Variants in PTPRD observed in about 807,000 individuals in gnomAD.
PTPRD encodes the protein receptor-type tyrosine-protein phosphatase delta.
PTPRD carries 34 observed loss-of-function variants against 214.5 expected under a neutral mutation model. That is an observed-to-expected ratio of 0.16 (90% CI 0.12 to 0.21). The LOEUF is 0.21. Ranked by LOEUF, PTPRD falls within the 10% of genes least tolerant of loss-of-function variation. PTPRD has a pLI of 1.00. For synonymous variants in PTPRD, 1,128 were observed against 845.7 expected, an observed-to-expected ratio of 1.33 and a Z score of -5.79; for missense variants, 2,545 against 2,398.7, an observed-to-expected ratio of 1.06 and a Z score of -1.27.
chr9:8,836,519 A>C (rs1476175427), intron 11 of PTPRD, among the ~76,000 whole-genome samples: 1 of 151,928 alleles, frequency 6.6e-6, no homozygotes, highest in Non-Finnish European at 1.5e-5. Flanking sequence ...TTAATTTTAA[A>C]ACTCTGACCT....
At chr9:9,051,629 G>C (rs2099685739) in intron 10 of PTPRD, among the ~76,000 whole-genome samples, 1 of 152,064 alleles carries the variant, frequency 6.6e-6, no homozygotes, top group Non-Finnish European at 1.5e-5. Flanking sequence ...AAGCCATTTA[G>C]AAAGCATTTT....
At chr9:9,924,333 G>T (rs1453886008) in intron 5 of PTPRD, among the ~76,000 whole-genome samples, 1 of 151,990 alleles carries the variant, frequency 6.6e-6, no homozygotes, top group Non-Finnish European at 1.5e-5. Context: ...GCTAAACATT[G>T]CTTTCTCTAT....
intron 35 of PTPRD, among the ~76,000 whole-genome samples, chr9:8,422,810 C>G (rs1316226758): frequency 6.6e-6 from 1 of 152,222 alleles, no homozygotes; most frequent in Non-Finnish European, 1.5e-5. Context: ...AATTTTTATT[C>G]TCCTTGTGTC....
In PTPRD at chr9:8,950,082, A is replaced by G. The variant is rs950835382; in HGVS notation, c.-104+68615T>C. Among the ~76,000 whole-genome samples, 12 of 152,172 alleles carry G rather than the reference A, an allele frequency of 7.9e-5. No homozygotes were observed. The East Asian group carries it at 2.3e-3, about 29-fold the overall frequency. ...AAATAGGTATTGGAATGTCTATTTT[A>G]CAAGTGAGAAAATGTCTATTTACAA... On this transcript the variant is annotated intron_variant, in intron 11 of 45. Coordinates refer to ENST00000381196, the MANE Select transcript of PTPRD (RefSeq NM_002839.4).
intron 33 of PTPRD, among the ~76,000 whole-genome samples, chr9:8,454,004 A>T (rs1291381392): frequency 6.6e-6 from 1 of 152,242 alleles, no homozygotes; most frequent in African/African-American, 2.4e-5. Context: ...TATGAGTTAG[A>T]AAGCTAGAGG....
chr9:9,173,803 A>G (rs768298982), intron 10 of PTPRD, among the ~76,000 whole-genome samples: 1 of 152,082 alleles, frequency 6.6e-6, no homozygotes, highest in Non-Finnish European at 1.5e-5. Flanking sequence ...TCACTATCTA[A>G]TATACCCGAT....
chr9:9,310,213 A>T (rs1396515731), intron 9 of PTPRD, among the ~76,000 whole-genome samples: 1 of 152,128 alleles, frequency 6.6e-6, no homozygotes, highest in Non-Finnish European at 1.5e-5. Context: ...GGAAAGTAGG[A>T]GGACAGAGAA....
chr9:8,459,868 G>A (rs190629664), intron 33 of PTPRD, among the ~76,000 whole-genome samples: 1 of 152,060 alleles, frequency 6.6e-6, no homozygotes, highest in Admixed American at 6.6e-5. Flanking sequence ...AGAAAATTGG[G>A]AGACGATTCA....
At chr9:8,459,672 T>C (rs1452428031) in intron 33 of PTPRD, among the ~76,000 whole-genome samples, 1 of 152,116 alleles carries the variant, frequency 6.6e-6, no homozygotes, top group Admixed American at 6.5e-5. Context: ...AAGAGTGGCA[T>C]ATCAGAAAAA....
At chr9:8,500,562 A>G (rs1456931959) in intron 24 of PTPRD, among the ~76,000 whole-genome samples, 192 bp downstream of exon 24, 22 of 117,546 alleles carry the variant, frequency 1.9e-4, no homozygotes, top group South Asian at 8.6e-4. Flanking sequence ...AAAAATGAAA[A>G]AAAAAAAAAA....
chr9:10,551,145 G>A (rs1274261520), intron 2 of PTPRD, among the ~76,000 whole-genome samples: 1 of 152,034 alleles, frequency 6.6e-6, no homozygotes, highest in African/African-American at 2.4e-5. Flanking sequence ...ACCAGCCTGG[G>A]CAACAGAGTG....
intron 14 of PTPRD, among the ~76,000 whole-genome samples, chr9:8,537,619 G>C (rs2077274189): frequency 6.6e-6 from 1 of 151,970 alleles, no homozygotes; most frequent in Admixed American, 6.6e-5. Context: ...TGCAGGAATA[G>C]AAAATTGGAC....
intron 2 of PTPRD, among the ~76,000 whole-genome samples, chr9:10,362,777 G>A (rs905670201): frequency 1.3e-5 from 2 of 152,156 alleles, no homozygotes; most frequent in African/African-American, 4.8e-5. Flanking sequence ...CTACTTAGGA[G>A]GCTGAGGCAG....
chr9:10,568,345 T>G (rs2066335618), intron 2 of PTPRD, among the ~76,000 whole-genome samples: 1 of 152,222 alleles, frequency 6.6e-6, no homozygotes, highest in African/African-American at 2.4e-5. Context: ...ATGTGCCACA[T>G]TTTCTTAATC....
At chr9:8,837,275 G>A (rs1341049296) in intron 11 of PTPRD, among the ~76,000 whole-genome samples, 5 of 151,686 alleles carry the variant, frequency 3.3e-5, no homozygotes, top group Admixed American at 2.0e-4. Context: ...TTGGCCTCCC[G>A]AAGTGCTGGG....
At chr9:8,503,200 G>C (rs1316438327) in intron 23 of PTPRD, among the ~76,000 whole-genome samples, 1 of 151,922 alleles carries the variant, frequency 6.6e-6, no homozygotes. Flanking sequence ...AGTTTCTATA[G>C]AAAATGAAAT....
chr9:10,548,233 A>G (rs990277695), intron 2 of PTPRD, among the ~76,000 whole-genome samples: 1 of 152,196 alleles, frequency 6.6e-6, no homozygotes, highest in African/African-American at 2.4e-5. Flanking sequence ...CATATGCGGA[A>G]TGAGCTTTCC....
At chr9:9,425,422 TATA>T (rs2080466906) in intron 8 of PTPRD, among the ~76,000 whole-genome samples, 2 of 6,502 alleles carry the variant, frequency 3.1e-4, no homozygotes, top group Non-Finnish European at 8.1e-4. Context: ...TATATAATAT[TATA>T]ATATCTTATA....
chr9:8,848,313 C>CTTTTTTT (rs371491854), intron 11 of PTPRD, among the ~76,000 whole-genome samples: 3 of 132,662 alleles, frequency 2.3e-5, no homozygotes, highest in Non-Finnish European at 4.7e-5. Context: ...AAGATTTTTC[C>CTTTTTTT]TTTTTTTTTT....
Sources: gnomAD v4.1 joint callset for allele counts (sites outside exome capture counted in the v4.1 genomes callset) on GRCh38, gnomAD v4.1.1 for gene constraint, MANE v1.5 for transcripts, NCBI Gene and HGNC (gene_info 2026-07-23, HGNC 2026-07-21) for gene names.